SGCD: variants seen among roughly 807,000 people sequenced by gnomAD.
SGCD encodes the protein delta-sarcoglycan.
SGCD carries 18 observed loss-of-function variants against 36.6 expected under a neutral mutation model. The observed-to-expected ratio is 0.49, with a 90% CI of 0.34 to 0.73. SGCD has a LOEUF of 0.73. Ranked by LOEUF, SGCD falls within the 30% of genes least tolerant of loss-of-function variation. The pLI is 0.01. For synonymous variants in SGCD, 133 were observed against 130.6 expected, an observed-to-expected ratio of 1.02 and a Z score of -0.12; for missense variants, 387 against 346.7, an observed-to-expected ratio of 1.12 and a Z score of -0.92.
At chr5:155,820,431 G>A in the SGCD span, among the ~76,000 whole-genome samples, 2 of 151,986 alleles carry the variant, frequency 1.3e-5, no homozygotes, top group Admixed American at 6.6e-5. Context: ...AGGCCAAGAG[G>A]GGTAAATTGC....
chr5:156,489,661 A>C (rs1417161344), intron 3 of SGCD, among the ~76,000 whole-genome samples: 2 of 152,058 alleles, frequency 1.3e-5, no homozygotes, highest in Non-Finnish European at 2.9e-5. Flanking sequence ...AATCAAAAAC[A>C]TTTTTGAAAC....
intron 7 of SGCD, among the ~76,000 whole-genome samples, chr5:156,693,928 C>T (rs1581409702): frequency 6.6e-6 from 1 of 152,030 alleles, no homozygotes; most frequent in East Asian, 1.9e-4. Context: ...GATGGGTAGC[C>T]TATTATTCTC....
chr5:156,502,001 A>G (rs950671432), intron 3 of SGCD, among the ~76,000 whole-genome samples: 2 of 151,514 alleles, frequency 1.3e-5, no homozygotes, highest in African/African-American at 4.8e-5. Flanking sequence ...TGTTTTTCTA[A>G]TTACTGTTTC....
At chr5:156,058,471 A>T (rs966400453) in intron 1 of SGCD, among the ~76,000 whole-genome samples, 3 of 145,568 alleles carry the variant, frequency 2.1e-5, no homozygotes, top group African/African-American at 7.4e-5. Flanking sequence ...GGGTCTGGGG[A>T]TGGGGGAGGC....
In SGCD at chr5:156,254,243, A is replaced by G. The variant is rs377540883; in HGVS notation, c.-43-75291A>G. On this transcript the variant is annotated intron_variant, in intron 3 of 9. Transcript: ENST00000517913. The stretch of plus-strand genomic sequence containing the variant: ...TGCTCTAGACATTTTTAAAAATTAT[A>G]CTTTAAGTTTTAGGGTACACTGCAC... Among the ~76,000 whole-genome samples, 72 of 152,316 alleles carry G rather than the reference A, an allele frequency of 4.7e-4. 1 individual carries two copies. The highest frequency in any genetic ancestry group is 1.6e-3 in the African/African-American group (68 of 41,588).
At chr5:156,320,097 A>ATGTGTGTGTGTG (rs10535885) in intron 3 of SGCD, among the ~76,000 whole-genome samples, 53 of 146,196 alleles carry the variant, frequency 3.6e-4, no homozygotes, top group African/African-American at 1.3e-3. Context: ...AGCCTTTGAT[A>ATGTGTGTGTGTG]TGTGTGTGTG....
At chr5:155,959,027 C>T (rs1243979077) in intron 1 of SGCD, among the ~76,000 whole-genome samples, 2 of 152,212 alleles carry the variant, frequency 1.3e-5, no homozygotes, top group East Asian at 3.9e-4. Context: ...ACCCTTTCCT[C>T]CTCTCTATGT....
intron 3 of SGCD, among the ~76,000 whole-genome samples, chr5:156,176,172 A>T (rs142759776): frequency 2.6e-5 from 4 of 151,984 alleles, no homozygotes; most frequent in African/African-American, 7.2e-5. Flanking sequence ...TGTGGTGATC[A>T]TGGCCACAGT....
chr5:156,184,985 C>T (rs578227779), intron 3 of SGCD, among the ~76,000 whole-genome samples: 2 of 152,248 alleles, frequency 1.3e-5, no homozygotes, highest in South Asian at 4.1e-4. Flanking sequence ...TGCAATATTC[C>T]TGTGCCCCAT....
At chr5:156,059,585 A>T (rs1292608691) in intron 1 of SGCD, among the ~76,000 whole-genome samples, 5 of 145,484 alleles carry the variant, frequency 3.4e-5, no homozygotes, top group African/African-American at 1.3e-4. Context: ...GGTGTTTTTA[A>T]GGCCCGCTGG....
chr5:156,023,334 T>C (rs1462406977), intron 1 of SGCD, among the ~76,000 whole-genome samples: 1 of 106,304 alleles, frequency 9.4e-6, no homozygotes, highest in East Asian at 2.7e-4. Flanking sequence ...TGTTCCCCCA[T>C]GTTGCCATGA....
intron 3 of SGCD, among the ~76,000 whole-genome samples, chr5:156,206,195 G>A (rs769550742): frequency 1.9e-4 from 29 of 151,762 alleles, no homozygotes; most frequent in Non-Finnish European, 2.8e-4. Flanking sequence ...ATAAAAATGT[G>A]TGAAAATTGT....
At chr5:155,948,714 G>T (rs969389733) in intron 1 of SGCD, among the ~76,000 whole-genome samples, 1 of 152,100 alleles carries the variant, frequency 6.6e-6, no homozygotes, top group Non-Finnish European at 1.5e-5. Context: ...AGGGAGTAGT[G>T]GAGAGAATCA....
intron 3 of SGCD, among the ~76,000 whole-genome samples, chr5:156,155,925 A>C (rs1762951078): frequency 6.6e-6 from 1 of 151,758 alleles, no homozygotes; most frequent in South Asian, 2.1e-4. Context: ...GAGGAAACAG[A>C]AGGTTGCAGG....
chr5:155,961,861 A>G (rs993439686), intron 1 of SGCD, among the ~76,000 whole-genome samples: 2 of 152,108 alleles, frequency 1.3e-5, no homozygotes, highest in Non-Finnish European at 2.9e-5. Flanking sequence ...AGTACTTGGT[A>G]TGGAAAAAAG....
intron 3 of SGCD, among the ~76,000 whole-genome samples, chr5:156,172,309 C>CA (rs768106277): frequency 2.0e-5 from 3 of 152,012 alleles, no homozygotes; most frequent in Non-Finnish European, 2.9e-5. Flanking sequence ...AACAAACAAA[C>CA]AAAAAACCCA....
chr5:156,100,398 A>G (rs1257967104), intron 1 of SGCD, among the ~76,000 whole-genome samples: 1 of 152,134 alleles, frequency 6.6e-6, no homozygotes, highest in Non-Finnish European at 1.5e-5. Context: ...TGGACATGAG[A>G]TGAGGAATAT....
intron 4 of SGCD, among the ~76,000 whole-genome samples, chr5:156,562,436 A>G (rs1759305621): frequency 6.6e-6 from 1 of 152,286 alleles, no homozygotes; most frequent in Admixed American, 6.5e-5. Context: ...GCATCTTGTC[A>G]CATTGAGGCA....
At chr5:156,735,218 C>G (rs887275204) in intron 7 of SGCD, among the ~76,000 whole-genome samples, 15 of 152,164 alleles carry the variant, frequency 9.9e-5, no homozygotes, top group Admixed American at 9.2e-4. Context: ...CTCTGTCAGC[C>G]AGAGACCCTG....
Sources: allele counts gnomAD v4.1 joint callset (sites outside exome capture counted in the v4.1 genomes callset), GRCh38; gene constraint gnomAD v4.1.1; transcripts MANE v1.5; gene names NCBI Gene and HGNC (gene_info 2026-07-23, HGNC 2026-07-21).